KLF13: variants seen among roughly 807,000 people sequenced by gnomAD.
KLF13 encodes the protein Krueppel-like factor 13.
KLF13 carries 8 observed loss-of-function variants against 16.7 expected under a neutral mutation model. That is an observed-to-expected ratio of 0.48 (90% CI 0.28 to 0.87). The LOEUF (loss-of-function observed/expected upper bound fraction) is 0.87, where lower values mean the gene tolerates loss of function less well. Among genes scored for constraint, KLF13 ranks in the 40% least tolerant of loss-of-function variants. KLF13 has a pLI of 0.10. For synonymous variants in KLF13, 245 were observed against 208.4 expected (o/e 1.18, Z -1.51); for missense variants, 447 against 452.2 (o/e 0.99, Z 0.10).
intron 1 of KLF13, among the ~76,000 whole-genome samples, chr15:31,351,818 G>A (rs967568494): frequency 7.2e-5 from 11 of 152,140 alleles, no homozygotes; most frequent in Non-Finnish European, 1.2e-4. Flanking sequence ...AAGACTACTG[G>A]CCTGGCCAAC....
intron 1 of KLF13, among the ~76,000 whole-genome samples, chr15:31,410,284 T>C (rs2040176211): frequency 6.6e-6 from 1 of 150,960 alleles, no homozygotes; most frequent in East Asian, 2.0e-4. Flanking sequence ...AATTGAACAA[T>C]AAAAAGTCTT....
intron 1 of KLF13, among the ~76,000 whole-genome samples, chr15:31,410,513 A>G (rs2040178932): frequency 6.6e-6 from 1 of 152,148 alleles, no homozygotes; most frequent in Non-Finnish European, 1.5e-5. Flanking sequence ...TGCTTTAAAT[A>G]TAAAGATATA....
intron 1 of KLF13, among the ~76,000 whole-genome samples, chr15:31,356,111 G>A (rs1310713104): frequency 1.3e-5 from 2 of 152,138 alleles, no homozygotes; most frequent in Non-Finnish European, 2.9e-5. Flanking sequence ...GGGGTTTGAT[G>A]TTCTTATTTC....
intron 1 of KLF13, among the ~76,000 whole-genome samples, chr15:31,424,414 C>T (rs1311175158): frequency 6.6e-6 from 1 of 151,990 alleles, no homozygotes; most frequent in Non-Finnish European, 1.5e-5. Flanking sequence ...GATGGTTTAA[C>T]ATATGAAAAT....
chr15:31,366,965 G>T (rs1480135897), intron 1 of KLF13, among the ~76,000 whole-genome samples: 1 of 152,240 alleles, frequency 6.6e-6, no homozygotes, highest in East Asian at 1.9e-4. Context: ...ACAGCACCAC[G>T]ACGACTGGAA....
At chr15:31,430,557 A>T (rs969950783) in intron 1 of KLF13, among the ~76,000 whole-genome samples, 2 of 152,150 alleles carry the variant, frequency 1.3e-5, no homozygotes, top group Admixed American at 1.3e-4. Flanking sequence ...AAACAAACCC[A>T]CTTCCATGAT....
At chr15:31,423,137 ACGTATACG>A (rs1291301286) in intron 1 of KLF13, among the ~76,000 whole-genome samples, 5 of 49,064 alleles carry the variant, frequency 1.0e-4, no homozygotes, top group Admixed American at 1.5e-4. Context: ...ATATACGTAT[ACGTATACG>A]TATATATACG....
intron 1 of KLF13, among the ~76,000 whole-genome samples, chr15:31,363,937 C>G (rs983770917): frequency 1.6e-4 from 25 of 152,098 alleles, no homozygotes; most frequent in African/African-American, 5.6e-4. Flanking sequence ...GAAGTATGAA[C>G]CCAGCCTTTC....
chr15:31,365,463 G>T (rs796101073), intron 1 of KLF13, among the ~76,000 whole-genome samples: 8 of 152,308 alleles, frequency 5.3e-5, no homozygotes, highest in African/African-American at 1.9e-4. Flanking sequence ...GGCAGAAGAG[G>T]CCCTTGCGGC....
At chr15:31,422,101 C>A (rs1332903553) in intron 1 of KLF13, among the ~76,000 whole-genome samples, 4 of 142,052 alleles carry the variant, frequency 2.8e-5, no homozygotes, top group South Asian at 2.2e-4. Context: ...GGTGACAGAG[C>A]AAGACTCCAT....
Position 31,327,700 on chromosome 15 carries a change from C to A in KLF13, c.488C>A (p.Pro163Gln). Residue 163 changes from proline (P) to glutamine (Q), a missense_variant, in exon 1 of 2, where the codon CCG becomes CAG. By Grantham distance (76) the Pro-to-Gln change is moderately conservative. Coordinates refer to ENST00000307145, the MANE Select transcript of KLF13 (RefSeq NM_015995.4). ...RGRSRADLES[P>Q]QRKHKCHYAG... ...CGAAGTCGCGCCGACCTCGAGTCCCCGCAGAGGAAGCACAAGTGCCACTAC... is the reference window on the plus strand; with the variant it reads ...CGAAGTCGCGCCGACCTCGAGTCCCAGCAGAGGAAGCACAAGTGCCACTAC... The A allele has an allele frequency of 2.0e-6, 3 of 1,538,226 alleles. No individual in the cohort carries two copies. The highest frequency in any genetic ancestry group is 1.8e-5 in the Admixed American group (1 of 54,082).
chr15:31,390,571 T>G (rs1333472529), upstream of KLF13, among the ~76,000 whole-genome samples: 1 of 152,252 alleles, frequency 6.6e-6, no homozygotes, highest in Non-Finnish European at 1.5e-5. Flanking sequence ...CCTGTTGCTC[T>G]GCACTTTTGT....
intron 1 of KLF13, among the ~76,000 whole-genome samples, chr15:31,362,220 T>C (rs1486570239): frequency 6.6e-6 from 1 of 152,200 alleles, no homozygotes; most frequent in African/African-American, 2.4e-5. Context: ...TTGTCACCCA[T>C]AGCCTTTTAG....
chr15:31,357,744 A>G (rs950678622), intron 1 of KLF13, among the ~76,000 whole-genome samples: 5 of 152,126 alleles, frequency 3.3e-5, no homozygotes, highest in African/African-American at 1.2e-4. Flanking sequence ...AGCCATCTGT[A>G]AGGTGAGGAA....
upstream of KLF13, among the ~76,000 whole-genome samples, chr15:31,389,426 C>T (rs967860844): frequency 6.6e-5 from 10 of 152,180 alleles, no homozygotes; most frequent in East Asian, 1.2e-3. Flanking sequence ...AGGGGATCAA[C>T]GGTCCCAACC....
intron 1 of KLF13, among the ~76,000 whole-genome samples, chr15:31,432,959 A>G (rs2040491096): frequency 6.6e-6 from 1 of 152,192 alleles, no homozygotes; most frequent in South Asian, 2.1e-4. Context: ...TACTAAAAAT[A>G]CAAAAATTAG....
intron 2 of KLF13, among the ~76,000 whole-genome samples, chr15:31,399,514 C>T (rs562086137): frequency 1.3e-5 from 2 of 152,304 alleles, no homozygotes; most frequent in African/African-American, 4.8e-5. Flanking sequence ...ACACACTGCC[C>T]TTGGTTTCCC....
intron 1 of KLF13, among the ~76,000 whole-genome samples, chr15:31,364,725 A>G (rs994791996): frequency 1.3e-5 from 2 of 152,232 alleles, no homozygotes; most frequent in Admixed American, 6.5e-5. Context: ...CAGCCAGCTG[A>G]ATGACAGCTC....
At chr15:31,421,085 G>A (rs2040317072) in intron 1 of KLF13, among the ~76,000 whole-genome samples, 1 of 151,980 alleles carries the variant, frequency 6.6e-6, no homozygotes, top group South Asian at 2.1e-4. Context: ...CTTCAGCTGT[G>A]GTATTATTTT....
Sources: gnomAD v4.1 joint callset for allele counts (sites outside exome capture counted in the v4.1 genomes callset) on GRCh38, gnomAD v4.1.1 for gene constraint, MANE v1.5 for transcripts, NCBI Gene and HGNC (gene_info 2026-07-23, HGNC 2026-07-21) for gene names.